Variants in CSMD1 observed in about 807,000 individuals in gnomAD.
The protein encoded by CSMD1 is CUB and Sushi multiple domains 1.
In CSMD1, 213 loss-of-function variants were observed where a neutral mutation model predicts 417.5. The ratio of observed to expected loss-of-function variants is 0.51; its 90% CI spans 0.46 to 0.57. The LOEUF (loss-of-function observed/expected upper bound fraction) is 0.57, where lower values mean the gene tolerates loss of function less well. Among genes scored for constraint, CSMD1 ranks in the 20% least tolerant of loss-of-function variants. CSMD1 has a pLI of 0.00. For missense variants in CSMD1, 6,923 were observed against 4,529.7 expected (o/e 1.53, Z -15.17); for synonymous variants, 2,862 against 1,736.8 (o/e 1.65, Z -16.11).
chr8:3,835,828 C>G (rs116263304), intron 5 of CSMD1, among the ~76,000 whole-genome samples: 2,378 of 151,808 alleles, frequency 0.016, 56 homozygotes, highest in African/African-American at 0.053. Flanking sequence ...TCTAGGAGTT[C>G]TTCTGTTCCT....
At chr8:3,964,600 C>T (rs189478050) in intron 5 of CSMD1, among the ~76,000 whole-genome samples, 144 of 152,248 alleles carry the variant, frequency 9.5e-4, no homozygotes, top group African/African-American at 3.4e-3. Context: ...ACTTAAATCC[C>T]AATTGTAATG....
intron 2 of CSMD1, among the ~76,000 whole-genome samples, chr8:4,441,150 G>A (rs1364708356): frequency 9.7e-6 from 1 of 103,006 alleles, no homozygotes; most frequent in African/African-American, 3.6e-5. Flanking sequence ...CTAAGCTAGA[G>A]TGCAGTGGTA....
At chr8:3,967,168 A>T (rs1177750436) in intron 5 of CSMD1, among the ~76,000 whole-genome samples, 1 of 151,120 alleles carries the variant, frequency 6.6e-6, no homozygotes, top group Non-Finnish European at 1.5e-5. Flanking sequence ...ATGTTTATGT[A>T]TTCCTTTTCA....
chr8:3,211,252 C>G (rs1467012095), intron 30 of CSMD1, among the ~76,000 whole-genome samples: 1 of 152,092 alleles, frequency 6.6e-6, no homozygotes, highest in African/African-American at 2.4e-5. Context: ...GCTATGTTGT[C>G]CAGACTAGTC....
intron 16 of CSMD1, among the ~76,000 whole-genome samples, chr8:3,396,836 A>C (rs2116856725): frequency 6.6e-6 from 1 of 152,290 alleles, no homozygotes; most frequent in South Asian, 2.1e-4. Flanking sequence ...TCTCTTAAAC[A>C]AAGAAGATCA....
intron 7 of CSMD1, among the ~76,000 whole-genome samples, chr8:3,680,511 C>T (rs1003435157): frequency 1.3e-5 from 2 of 152,138 alleles, no homozygotes; most frequent in Non-Finnish European, 2.9e-5. Flanking sequence ...TCTGAATAGA[C>T]CAATAACAGG....
chr8:3,778,161 T>C (rs185716636), intron 5 of CSMD1, among the ~76,000 whole-genome samples: 3 of 152,332 alleles, frequency 2.0e-5, no homozygotes, highest in East Asian at 3.9e-4. Context: ...TGTGTCAGGA[T>C]AGATTAGAGG....
At chr8:4,668,611 G>C (rs192320490) in intron 1 of CSMD1, among the ~76,000 whole-genome samples, 1 of 151,736 alleles carries the variant, frequency 6.6e-6, no homozygotes, top group Non-Finnish European at 1.5e-5. Flanking sequence ...CACCACGCCT[G>C]GCTAATTTTT....
chr8:3,535,241 C>T (rs888994593), intron 10 of CSMD1, among the ~76,000 whole-genome samples: 3 of 152,164 alleles, frequency 2.0e-5, no homozygotes, highest in Non-Finnish European at 2.9e-5. Flanking sequence ...GCATGAGCCA[C>T]CGCACCCAGC....
At chr8:4,841,926 A>AAAAAAAAAAAAAAAC (rs1800862881) in intron 1 of CSMD1, among the ~76,000 whole-genome samples, 4 of 142,062 alleles carry the variant, frequency 2.8e-5, no homozygotes, top group Admixed American at 7.0e-5. Context: ...AAAAAAAAAA[A>AAAAAAAAAAAAAAAC]AAAAAAAAAA....
chr8:4,584,319 G>C (rs11987658), intron 2 of CSMD1, among the ~76,000 whole-genome samples: 2 of 151,736 alleles, frequency 1.3e-5, no homozygotes, highest in African/African-American at 2.4e-5. Context: ...GTCGCCTATC[G>C]CCGAGTAGTG....
chr8:4,386,804 T>G (rs184278481), intron 3 of CSMD1, among the ~76,000 whole-genome samples: 1 of 152,302 alleles, frequency 6.6e-6, no homozygotes, highest in Admixed American at 6.5e-5. Flanking sequence ...AAAAAAATAT[T>G]CTGGGCTCTT....
intron 4 of CSMD1, among the ~76,000 whole-genome samples, chr8:4,022,002 T>C (rs1796811569): frequency 6.6e-6 from 1 of 151,894 alleles, no homozygotes; most frequent in Admixed American, 6.6e-5. Context: ...GTCTGTCTAA[T>C]TCTGGAGTCC....
chr8:3,604,301 G>C (rs529837282), intron 8 of CSMD1, among the ~76,000 whole-genome samples: 2 of 152,100 alleles, frequency 1.3e-5, no homozygotes, highest in African/African-American at 2.4e-5. Flanking sequence ...GGAGGCTGCG[G>C]GGGGGGACCA....
intron 3 of CSMD1, among the ~76,000 whole-genome samples, chr8:4,126,544 C>T (rs1186126926): frequency 6.6e-6 from 1 of 152,152 alleles, no homozygotes; most frequent in East Asian, 1.9e-4. Context: ...GCAGGGAGGC[C>T]ACTGATCCAC....
At chr8:4,023,998 G>T (rs1354781877) in intron 4 of CSMD1, among the ~76,000 whole-genome samples, 2 of 151,872 alleles carry the variant, frequency 1.3e-5, no homozygotes, top group East Asian at 3.9e-4. Flanking sequence ...TATAAAGGCT[G>T]ACATATTTGA....
At chr8:3,055,137 G>A (rs993310814) in intron 49 of CSMD1, among the ~76,000 whole-genome samples, 1 of 152,164 alleles carries the variant, frequency 6.6e-6, no homozygotes, top group African/African-American at 2.4e-5. Flanking sequence ...TCTATCGGAC[G>A]AAATGGGAAA....
At chr8:4,340,336 G>A (rs1563072347) in intron 3 of CSMD1, among the ~76,000 whole-genome samples, 2 of 152,014 alleles carry the variant, frequency 1.3e-5, no homozygotes. Context: ...TGGCTGGGAT[G>A]AGGTTTGAGG....
chr8:3,782,517 G>T (rs1234081688), intron 5 of CSMD1, among the ~76,000 whole-genome samples: 1 of 152,120 alleles, frequency 6.6e-6, no homozygotes, highest in East Asian at 1.9e-4. Context: ...GCTGGGGGAG[G>T]GATAGCATGA....
Sources: gnomAD v4.1 joint callset for allele counts (sites outside exome capture counted in the v4.1 genomes callset) on GRCh38, gnomAD v4.1.1 for gene constraint, MANE v1.5 for transcripts, NCBI Gene and HGNC (gene_info 2026-07-23, HGNC 2026-07-21) for gene names.